UBAP2: variants seen among roughly 807,000 people sequenced by gnomAD.
The protein encoded by UBAP2 is ubiquitin-associated protein 2.
In UBAP2, 75 loss-of-function variants were observed where a neutral mutation model predicts 139.6. The ratio of observed to expected loss-of-function variants is 0.54; its 90% confidence interval spans 0.45 to 0.65. The LOEUF (loss-of-function observed/expected upper bound fraction) is 0.65. Among genes scored for constraint, UBAP2 ranks in the 30% least tolerant of loss-of-function variants. UBAP2 has a pLI of 0.00. For synonymous variants in UBAP2, 526 were observed against 526.2 expected (o/e 1.00, Z 0.01); for missense variants, 1,368 against 1,369.6 (o/e 1.00, Z 0.02).
intron 21 of UBAP2, 151 bp downstream of exon 21, chr9:33,926,838 C>G (rs1045439970): frequency 2.1e-6 from 2 of 960,516 alleles, no homozygotes; most frequent in South Asian, 2.8e-5. Flanking sequence ...GGAAGAAGAC[C>G]ACCAGGGCTC....
At chr9:34,016,969 G>T in intron 2 of UBAP2, 81 bp downstream of exon 2, 1 of 944,272 alleles carries the variant, frequency 1.1e-6, no homozygotes. Flanking sequence ...GCAAACAAGA[G>T]TTCCACATAC....
chr9:33,937,567 A>G (rs1824665761), intron 16 of UBAP2, among the ~76,000 whole-genome samples: 1 of 142,624 alleles, frequency 7.0e-6, no homozygotes, highest in African/African-American at 2.7e-5. Context: ...AGATCGCACC[A>G]CTGCACTGGG....
At position 33,986,769 on chromosome 9, in the gene UBAP2, G is replaced by A. The variant is rs368580806; in HGVS notation, c.511C>T (p.Arg171Trp). The A allele has an allele frequency of 1.5e-5, 24 of 1,613,684 alleles. No homozygotes were observed. Among genetic ancestry groups the A allele is most frequent in the Non-Finnish European group, 1.9e-5 (22 of 1,179,908 alleles). ...TCTTACTCTAGCTTACCTCTACCCC[G>A]GGCTCGCTTGCCACGATCTGAAGGT... ...DKPSDRGKRARGRGFGRGRGR... is the reference protein window; with the variant it reads ...DKPSDRGKRAWGRGFGRGRGR... The change falls in exon 6 of 29, where the codon CGG becomes TGG. Residue 171 changes from arginine to tryptophan, a missense_variant. Arg to Trp is a moderately radical substitution (Grantham distance 101, BLOSUM62 -3). Transcript: ENST00000379238.
At chr9:33,948,887 C>A in intron 12 of UBAP2, 1 of 277,912 alleles carries the variant, frequency 3.6e-6, no homozygotes, top group Non-Finnish European at 7.0e-6. Flanking sequence ...CGGTGGCTCA[C>A]GCCTGTAATC....
chr9:34,000,171 G>A (rs899832964), intron 2 of UBAP2, among the ~76,000 whole-genome samples: 1 of 151,892 alleles, frequency 6.6e-6, no homozygotes, highest in Non-Finnish European at 1.5e-5. Context: ...CTGCGGTGTA[G>A]TGATGCCATC....
chr9:34,035,896 CTTTT>C (rs11291703), intron 1 of UBAP2, among the ~76,000 whole-genome samples: 2 of 148,604 alleles, frequency 1.3e-5, no homozygotes, highest in Non-Finnish European at 3.0e-5. Context: ...CACATTCTCT[CTTTT>C]TTTTTTTGAG....
intron 4 of UBAP2, among the ~76,000 whole-genome samples, chr9:33,993,109 C>A (rs1437582797): frequency 6.6e-6 from 1 of 152,194 alleles, no homozygotes; most frequent in Non-Finnish European, 1.5e-5. Flanking sequence ...TACTTATGTT[C>A]AATATCTTCC....
At chr9:33,995,410 T>C (rs1822080786) in intron 4 of UBAP2, 1 of 137,610 alleles carries the variant, frequency 7.3e-6, no homozygotes, top group African/African-American at 2.7e-5. Flanking sequence ...ATATATAAAG[T>C]ATATATATTT....
intron 13 of UBAP2, among the ~76,000 whole-genome samples, 154 bp downstream of exon 13, chr9:33,948,220 C>T (rs1194314702): frequency 6.6e-6 from 1 of 152,032 alleles, no homozygotes; most frequent in Non-Finnish European, 1.5e-5. Context: ...TATTGTATAA[C>T]AAAGGAAGAC....
At position 33,941,699 on chromosome 9, in the gene UBAP2, G is replaced by A; in HGVS notation, c.1879C>T (p.Pro627Ser). 1 of 1,614,134 alleles carries A rather than the reference G, an allele frequency of 6.2e-7. No individual in the cohort carries two copies. Among genetic ancestry groups the A allele is most frequent in the Non-Finnish European group, 8.5e-7 (1 of 1,180,016 alleles). The change falls in exon 16 of 29, where the codon CCA becomes TCA. Residue 627 changes from proline (P) to serine (S), a missense_variant. By Grantham distance (74) the Pro-to-Ser change is moderately conservative (BLOSUM62 -1). Transcript: ENST00000379238. ...GATGAACTCACAGGGCTTTGGTATG[G>A]GATCCTGTTATGCACAGAACTCTGG... ...YDQSSVHNRI[P>S]YQSPVSSSES...
intron 2 of UBAP2, among the ~76,000 whole-genome samples, chr9:34,016,153 G>C (rs1345837466): frequency 6.6e-6 from 1 of 150,974 alleles, no homozygotes; most frequent in South Asian, 2.1e-4. Context: ...AGAGCAAGGT[G>C]AAAGGGGAGA....
At chr9:33,981,116 A>C (rs1349739375) in intron 6 of UBAP2, among the ~76,000 whole-genome samples, 2 of 6,210 alleles carry the variant, frequency 3.2e-4, no homozygotes, top group East Asian at 3.6e-3. Flanking sequence ...ATATATATAT[A>C]TATATATATA....
At chr9:33,989,199 C>CTT in intron 4 of UBAP2, 73 bp from the exon 5 acceptor site, 3 of 1,217,468 alleles carry the variant, frequency 2.5e-6, no homozygotes, top group Non-Finnish European at 3.3e-6. Context: ...ATGCATGTAT[C>CTT]TTTCTTTTTT....
intron 6 of UBAP2, 110 bp downstream of exon 6, chr9:33,986,650 C>CCTG (rs1821240873): frequency 1.1e-6 from 1 of 889,412 alleles, no homozygotes; most frequent in South Asian, 1.4e-5. Flanking sequence ...TTTTAGATGA[C>CCTG]CTGCTATTCT....
intron 4 of UBAP2, among the ~76,000 whole-genome samples, chr9:33,991,622 A>C (rs1821719643): frequency 1.3e-5 from 2 of 152,340 alleles, no homozygotes; most frequent in South Asian, 4.1e-4. Context: ...AATTTGATTT[A>C]ATCTTTAATA....
chr9:34,025,875 C>T (rs1478615340), intron 1 of UBAP2, among the ~76,000 whole-genome samples: 2 of 152,086 alleles, frequency 1.3e-5, no homozygotes, highest in Non-Finnish European at 2.9e-5. Context: ...CTACCATGCC[C>T]GGTTTAACTG....
At chr9:33,932,470 A>G in intron 19 of UBAP2, 92 bp downstream of exon 19, 1 of 1,445,992 alleles carries the variant, frequency 6.9e-7, no homozygotes, top group Non-Finnish European at 9.5e-7. Flanking sequence ...ATTATCAGAC[A>G]CTAAAAATCA....
intron 4 of UBAP2, among the ~76,000 whole-genome samples, chr9:33,990,916 C>T (rs990290315): frequency 4.6e-5 from 7 of 152,106 alleles, no homozygotes; most frequent in African/African-American, 1.7e-4. Flanking sequence ...GTATTACAGG[C>T]ATAAGCCACT....
intron 4 of UBAP2, among the ~76,000 whole-genome samples, chr9:33,992,737 T>G (rs1275304883): frequency 6.6e-6 from 1 of 152,140 alleles, no homozygotes; most frequent in Non-Finnish European, 1.5e-5. Flanking sequence ...AAAAGATTAC[T>G]GTGTATTTTG....
Sources: gnomAD v4.1 joint callset for allele counts (sites outside exome capture counted in the v4.1 genomes callset) on GRCh38, gnomAD v4.1.1 for gene constraint, MANE v1.5 for transcripts, NCBI Gene and HGNC (gene_info 2026-07-23, HGNC 2026-07-21) for gene names.